The following AOPEP variants were observed in gnomAD, a reference collection of about 807,000 sequenced individuals.
The protein encoded by AOPEP is aminopeptidase O (putative).
In AOPEP, 77 loss-of-function variants were observed where a neutral mutation model predicts 98.1. The observed-to-expected ratio is 0.78, with a 90% CI of 0.65 to 0.95. The LOEUF is 0.95. Among genes scored for constraint, AOPEP ranks in the 40% least tolerant of loss-of-function variants. The pLI, the probability that AOPEP is intolerant of heterozygous loss-of-function variation, is 0.00. For missense variants in AOPEP, 1,024 were observed against 1,024.7 expected (o/e 1.00, Z 0.01); for synonymous variants, 346 against 365.3 (o/e 0.95, Z 0.60).
chr9:95,011,391 A>G (rs1051131790), intron 13 of AOPEP, among the ~76,000 whole-genome samples: 9 of 151,876 alleles, frequency 5.9e-5, no homozygotes, highest in African/African-American at 1.7e-4. Flanking sequence ...TTTAGTAGAG[A>G]TGGGGTTTCA....
At chr9:94,827,417 A>G (rs1476384034) in intron 5 of AOPEP, among the ~76,000 whole-genome samples, 2 of 152,198 alleles carry the variant, frequency 1.3e-5, no homozygotes, top group East Asian at 1.9e-4. Context: ...TGAAGCCACC[A>G]GATAGTTTCT....
At chr9:95,069,786 G>A (rs1049417177) in intron 14 of AOPEP, among the ~76,000 whole-genome samples, 1 of 152,234 alleles carries the variant, frequency 6.6e-6, no homozygotes, top group Non-Finnish European at 1.5e-5. Context: ...CCTGGTAGCA[G>A]TTGAGCAGCA....
intron 15 of AOPEP, among the ~76,000 whole-genome samples, chr9:95,081,295 C>A (rs1392451333): frequency 6.6e-6 from 1 of 152,178 alleles, no homozygotes; most frequent in African/African-American, 2.4e-5. Flanking sequence ...CATGTGGGAG[C>A]GGATCTGGGG....
intron 9 of AOPEP, 57 bp from the exon 10 acceptor site, chr9:94,967,701 C>T (rs1034010920): frequency 1.9e-5 from 28 of 1,465,914 alleles, no homozygotes; most frequent in Middle Eastern, 1.7e-4. Flanking sequence ...TGGCATGGTT[C>T]CAGGCAGAGT....
chr9:95,026,718 T>C (rs2063869398), intron 13 of AOPEP, among the ~76,000 whole-genome samples: 1 of 152,136 alleles, frequency 6.6e-6, no homozygotes, highest in Non-Finnish European at 1.5e-5. Flanking sequence ...GTCACGTAAG[T>C]TGAGTAAATT....
intron 6 of AOPEP, 126 bp from the exon 7 acceptor site, chr9:94,928,299 T>C (rs998727615): frequency 2.9e-5 from 20 of 682,564 alleles, no homozygotes; most frequent in Non-Finnish European, 4.6e-5. Context: ...AGGTTTCTGA[T>C]GGAAGCAAGG....
the AOPEP span, chr9:95,107,231 C>A: frequency 6.8e-6 from 11 of 1,614,156 alleles, no homozygotes; most frequent in Non-Finnish European, 8.5e-6. Flanking sequence ...TGCTTCTGGA[C>A]ATTGCCAGGA....
chr9:95,128,084 G>A, the AOPEP span, among the ~76,000 whole-genome samples: 9 of 152,190 alleles, frequency 5.9e-5, no homozygotes, highest in Non-Finnish European at 8.8e-5. Flanking sequence ...AGAGAGGAGA[G>A]GCAGGTTATT....
In AOPEP at chr9:94,983,841, G is replaced by A. The variant is rs181006921; in HGVS notation, c.1977+4414G>A. Among the ~76,000 whole-genome samples the A allele has an allele frequency of 3.0e-3, 446 of 150,966 alleles. 3 individuals are homozygous for A. Among genetic ancestry groups the A allele is most frequent in the Non-Finnish European group, 3.9e-3 (267 of 67,780 alleles). ...TTTCTCTCTGTATCTGTCCCATGCC[G>A]TCCCCTCCCCTCCCCCCTCCCCCGG... On this transcript the variant is annotated intron_variant, in intron 11 of 16. Coordinates refer to ENST00000375315, the MANE Select transcript of AOPEP (RefSeq NM_001193329.3).
chr9:94,730,444 C>T (rs1461634088), intron 1 of AOPEP, among the ~76,000 whole-genome samples: 1 of 152,168 alleles, frequency 6.6e-6, no homozygotes, highest in African/African-American at 2.4e-5. Flanking sequence ...ATTATTTCCA[C>T]TTCCAGGCGT....
intron 5 of AOPEP, among the ~76,000 whole-genome samples, chr9:94,914,935 AAAAATT>A (rs2052592355): frequency 6.6e-6 from 1 of 152,338 alleles, no homozygotes; most frequent in East Asian, 1.9e-4. Flanking sequence ...ACATACACCA[AAAAATT>A]ATTCGTTGTT....
At chr9:95,119,204 G>A in the AOPEP span, among the ~76,000 whole-genome samples, 1 of 152,140 alleles carries the variant, frequency 6.6e-6, no homozygotes, top group Non-Finnish European at 1.5e-5. Flanking sequence ...TTTTTTGAAA[G>A]TATATATTCA....
the AOPEP span, among the ~76,000 whole-genome samples, chr9:95,135,830 C>T: frequency 1.3e-5 from 2 of 152,128 alleles, no homozygotes; most frequent in African/African-American, 2.4e-5. Context: ...ATGCCCAGTC[C>T]CTAACTGAAG....
At chr9:95,149,423 C>A in the AOPEP span, among the ~76,000 whole-genome samples, 2 of 151,908 alleles carry the variant, frequency 1.3e-5, no homozygotes, top group East Asian at 1.9e-4. Flanking sequence ...TCACATGTAC[C>A]CCCAAACCTA....
intron 7 of AOPEP, chr9:94,931,727 T>A: frequency 3.2e-6 from 5 of 1,550,154 alleles, no homozygotes; most frequent in African/African-American, 2.7e-5. Context: ...TTCCACATGT[T>A]GGCGGATGCA....
intron 5 of AOPEP, among the ~76,000 whole-genome samples, chr9:94,883,253 C>T (rs2047798719): frequency 6.6e-6 from 1 of 152,198 alleles, no homozygotes; most frequent in African/African-American, 2.4e-5. Context: ...GAAAGAAAAA[C>T]TTTAGACACA....
At chr9:94,969,533 G>T (rs1197992796) in intron 10 of AOPEP, among the ~76,000 whole-genome samples, 1 of 150,668 alleles carries the variant, frequency 6.6e-6, no homozygotes, top group African/African-American at 2.4e-5. Flanking sequence ...TCAGCCTCCC[G>T]AGTAGCTGGG....
chr9:95,111,693 G>C, the AOPEP span: 1 of 1,607,626 alleles, frequency 6.2e-7, no homozygotes. Context: ...CTTCCTTTGG[G>C]TTTTTAAAGC....
intron 5 of AOPEP, among the ~76,000 whole-genome samples, chr9:94,880,049 G>T (rs2047385882): frequency 6.6e-6 from 1 of 152,160 alleles, no homozygotes; most frequent in Non-Finnish European, 1.5e-5. Flanking sequence ...TTATTAAATA[G>T]ATCACCGTAT....
Sources: allele counts gnomAD v4.1 joint callset (sites outside exome capture counted in the v4.1 genomes callset), GRCh38; gene constraint gnomAD v4.1.1; transcripts MANE v1.5; gene names NCBI Gene and HGNC (gene_info 2026-07-23, HGNC 2026-07-21).